Variants in MRLN observed in about 807,000 individuals in gnomAD.
MRLN encodes myoregulin.
chr10:59,746,100 A>G (rs1393193747), intron 1 of MRLN, among the ~76,000 whole-genome samples: 1 of 152,192 alleles, frequency 6.6e-6, no homozygotes, highest in Non-Finnish European at 1.5e-5. Flanking sequence ...CAAAATAAAA[A>G]CACTTTTCAT....
chr10:59,750,057 T>C (rs1283458500), intron 1 of MRLN, among the ~76,000 whole-genome samples: 2 of 128,204 alleles, frequency 1.6e-5, no homozygotes, highest in South Asian at 2.6e-4. Context: ...TCTCTCTCTC[T>C]CTCTCTTTTT....
At chr10:59,745,256 T>C (rs998566711) in intron 1 of MRLN, among the ~76,000 whole-genome samples, 2 of 152,180 alleles carry the variant, frequency 1.3e-5, no homozygotes, top group East Asian at 1.9e-4. Context: ...TTTTATCTGA[T>C]AGAAACATGT....
Position 59,742,491 on chromosome 10 carries a change from CACA to C in MRLN, c.-124-3932_-124-3930del, listed in dbSNP as rs549528522. Among the ~76,000 whole-genome samples, 601 of 152,218 alleles carry C rather than the reference CACA, an allele frequency of 3.9e-3. 5 individuals are homozygous for C. Among genetic ancestry groups the C allele is most frequent in the African/African-American group, 0.013 (549 of 41,528 alleles). The stretch of plus-strand genomic sequence containing the variant: ...TCAAGAAAAGAAAGAGATTTGCTAC[CACA>C]AAATCAGAGTAGTCCTGACTTTAGG... On this transcript the variant is annotated intron_variant, in intron 1 of 2. Coordinates refer to ENST00000414264, the MANE Select transcript of MRLN (RefSeq NM_001304731.2).
intron 1 of MRLN, among the ~76,000 whole-genome samples, chr10:59,743,811 C>T (rs1001629163): frequency 5.3e-5 from 8 of 152,132 alleles, no homozygotes; most frequent in East Asian, 1.9e-4. Flanking sequence ...ATTGCAGGTG[C>T]GCGCCGCCAC....
intron 1 of MRLN, among the ~76,000 whole-genome samples, chr10:59,750,806 G>C (rs78151992): frequency 6.6e-6 from 1 of 152,224 alleles, no homozygotes; most frequent in African/African-American, 2.4e-5. Context: ...CCAACGCAGC[G>C]GTGCCAGCAG....
intron 1 of MRLN, among the ~76,000 whole-genome samples, chr10:59,741,468 G>A (rs1025389026): frequency 3.3e-5 from 5 of 151,884 alleles, no homozygotes; most frequent in Non-Finnish European, 5.9e-5. Context: ...CTACAGGCTC[G>A]ACCTCCCAGG....
At chr10:59,746,085 T>C (rs1330631226) in intron 1 of MRLN, among the ~76,000 whole-genome samples, 1 of 152,218 alleles carries the variant, frequency 6.6e-6, no homozygotes, top group Non-Finnish European at 1.5e-5. Flanking sequence ...AGTCCCTTTT[T>C]CACTCAAAAT....
chr10:59,738,280 A>T (rs1840944548), intron 2 of MRLN, 179 bp downstream of exon 2: 2 of 152,242 alleles, frequency 1.3e-5, no homozygotes, highest in South Asian at 4.1e-4. Flanking sequence ...ACGGGTTTGC[A>T]AAGTGATTTT....
chr10:59,739,402 T>G (rs1415262115), intron 1 of MRLN: 1 of 152,310 alleles, frequency 6.6e-6, no homozygotes, highest in East Asian at 1.9e-4. Context: ...ACATATAAAC[T>G]ACACATATCC....
chr10:59,750,722 C>T (rs539763396), intron 1 of MRLN, among the ~76,000 whole-genome samples: 3 of 152,342 alleles, frequency 2.0e-5, no homozygotes, highest in Non-Finnish European at 2.9e-5. Context: ...AGTTGTGATG[C>T]ACTTTTACAA....
At chr10:59,750,397 C>G (rs1024329250) in intron 1 of MRLN, among the ~76,000 whole-genome samples, 1 of 152,144 alleles carries the variant, frequency 6.6e-6, no homozygotes, top group Non-Finnish European at 1.5e-5. Context: ...AGGTCAACAT[C>G]TGTTCAGTTT....
intron 1 of MRLN, among the ~76,000 whole-genome samples, chr10:59,750,533 G>A (rs954336925): frequency 6.6e-6 from 1 of 152,196 alleles, no homozygotes; most frequent in Non-Finnish European, 1.5e-5. Flanking sequence ...CAGGACTCTT[G>A]AAGGTTAAAG....
rs781039410 is a variant in MRLN, at chr10:59,737,170, T to C, written c.31A>G (p.Thr11Ala). 1.0e-5 allele frequency: 4 copies of C among 397,870 alleles called. No homozygotes were observed. The highest frequency in any genetic ancestry group is 4.4e-5 in the Admixed American group (1 of 22,692). 24.6% of individuals were successfully genotyped at this position (397,870 alleles called of 1,614,324 possible). A position where few individuals can be genotyped will look rare whatever the true frequency, so the allele number is the denominator to read the frequency against. ...TCTTCTAGACTTTTGGGAGTAGTAGTAGAAATTAATATCCAGTTTTTACCA... is the reference window on the plus strand; with the variant it reads ...TCTTCTAGACTTTTGGGAGTAGTAGCAGAAATTAATATCCAGTTTTTACCA... MTGKNWILISTTTPKSLEDEI... is the reference protein window; with the variant it reads MTGKNWILISATTPKSLEDEI... Residue 11 changes from threonine (T) to alanine (A), a missense_variant, in exon 3 of 3, where the codon ACT becomes GCT. Physicochemically the swap from Thr to Ala is moderately conservative, Grantham distance 58 (BLOSUM62 0). Transcript: ENST00000414264.
At position 59,741,350 on chromosome 10, in the gene MRLN, T is replaced by G. The variant is rs1301173902; in HGVS notation, c.-124-2788A>C. On this transcript the variant is annotated intron_variant, in intron 1 of 2. Coordinates refer to ENST00000414264, the MANE Select transcript of MRLN (RefSeq NM_001304731.2). The stretch of plus-strand genomic sequence containing the variant: ...TTTTATACCACATTTTTACTGTACA[T>G]TTTTTATTTTAATTTTTTATTTACT... 4.6e-5 allele frequency among the ~76,000 whole-genome samples: 7 copies of G among 152,206 alleles called. No homozygotes were observed. The South Asian group carries it at 8.3e-4, about 18-fold the overall frequency.
intron 1 of MRLN, chr10:59,739,584 G>A (rs1045885457): frequency 1.3e-5 from 2 of 152,176 alleles, no homozygotes; most frequent in African/African-American, 4.8e-5. Flanking sequence ...ATCTGTGGTT[G>A]GTTGAATCCA....
chr10:59,740,793 TTTCTTTCTTTC>T (rs990914517), intron 1 of MRLN, among the ~76,000 whole-genome samples: 23 of 151,412 alleles, frequency 1.5e-4, no homozygotes, highest in African/African-American at 4.8e-4. Flanking sequence ...TCTTTCTTTC[TTTCTTTCTTTC>T]TTTTTTTTTT....
At chr10:59,748,076 A>C (rs1386258038) in intron 1 of MRLN, among the ~76,000 whole-genome samples, 1 of 151,328 alleles carries the variant, frequency 6.6e-6, no homozygotes, top group Non-Finnish European at 1.5e-5. Context: ...ATGTCTTATT[A>C]ATGCTTTTTC....
chr10:59,743,094 A>G (rs1841002158), intron 1 of MRLN, among the ~76,000 whole-genome samples: 1 of 152,192 alleles, frequency 6.6e-6, no homozygotes, highest in African/African-American at 2.4e-5. Context: ...ATAAAAGACC[A>G]GAGAGAAATA....
At chr10:59,739,999 G>C (rs1401497691) in intron 1 of MRLN, among the ~76,000 whole-genome samples, 3 of 151,904 alleles carry the variant, frequency 2.0e-5, no homozygotes, top group Admixed American at 2.0e-4. Flanking sequence ...GGCTGAGGCA[G>C]AGAATTGCTT....
Sources: gnomAD v4.1 joint callset for allele counts (sites outside exome capture counted in the v4.1 genomes callset) on GRCh38, gnomAD v4.1.1 for gene constraint, MANE v1.5 for transcripts, NCBI Gene and HGNC (gene_info 2026-07-23, HGNC 2026-07-21) for gene names.